The following ST6GAL1 variants were observed in gnomAD, a reference collection of about 807,000 sequenced individuals.
ST6GAL1 encodes the protein beta-galactoside alpha-2,6-sialyltransferase 1.
ST6GAL1 carries 20 observed loss-of-function variants against 38.0 expected under a neutral mutation model. The observed-to-expected ratio is 0.53, with a 90% CI of 0.37 to 0.77. The LOEUF is 0.77. ST6GAL1 is among the 30% of genes least tolerant of loss of function. The probability of loss-of-function intolerance (pLI) is 0.00; values close to 1 mark genes in which losing one functional copy is unlikely to be tolerated. For synonymous variants in ST6GAL1, 196 were observed against 188.2 expected (o/e 1.04, Z -0.34); for missense variants, 432 against 496.4 (o/e 0.87, Z 1.23).
chr3:186,960,435 T>C (rs981479100), intron 1 of ST6GAL1, among the ~76,000 whole-genome samples: 3 of 151,806 alleles, frequency 2.0e-5, no homozygotes, highest in African/African-American at 7.3e-5. Context: ...GAGAGGAAAG[T>C]AGAGAGACCA....
At chr3:187,060,973 G>A (rs1273968912) in intron 5 of ST6GAL1, among the ~76,000 whole-genome samples, 1 of 152,044 alleles carries the variant, frequency 6.6e-6, no homozygotes, top group Non-Finnish European at 1.5e-5. Context: ...AGAAGGATGG[G>A]TACAGTACAA....
chr3:187,027,462 A>G (rs975955822), intron 2 of ST6GAL1, among the ~76,000 whole-genome samples: 1 of 152,190 alleles, frequency 6.6e-6, no homozygotes, highest in African/African-American at 2.4e-5. Context: ...AGGAACCCGC[A>G]TTTTAACAAG....
intron 5 of ST6GAL1, among the ~76,000 whole-genome samples, chr3:187,054,383 T>G (rs1232033945): frequency 1.3e-5 from 2 of 152,206 alleles, no homozygotes; most frequent in African/African-American, 2.4e-5. Context: ...GTGCTAGTTT[T>G]CAAAGGGAAT....
intron 2 of ST6GAL1, among the ~76,000 whole-genome samples, chr3:187,026,917 C>T (rs1470262650): frequency 6.6e-6 from 1 of 151,922 alleles, no homozygotes; most frequent in Admixed American, 6.6e-5. Context: ...GGCATGGTGG[C>T]GGGCACCTGT....
chr3:187,066,215 A>G (rs1206527027), intron 5 of ST6GAL1, among the ~76,000 whole-genome samples: 1 of 152,186 alleles, frequency 6.6e-6, no homozygotes, highest in Non-Finnish European at 1.5e-5. Flanking sequence ...CATGATGGCA[A>G]TCATGAGTTC....
intron 2 of ST6GAL1, among the ~76,000 whole-genome samples, chr3:187,021,496 T>C (rs1008221183): frequency 1.3e-5 from 2 of 151,478 alleles, no homozygotes; most frequent in East Asian, 2.0e-4. Flanking sequence ...TCCCAGCACT[T>C]TGGGAGGCCG....
chr3:186,936,030 G>A (rs1007514719), intron 1 of ST6GAL1, among the ~76,000 whole-genome samples: 4 of 152,192 alleles, frequency 2.6e-5, no homozygotes, highest in African/African-American at 9.7e-5. Context: ...ATTACAAAGA[G>A]CATGGAGACC....
chr3:186,975,710 G>T (rs1715499736), intron 2 of ST6GAL1, among the ~76,000 whole-genome samples: 1 of 152,186 alleles, frequency 6.6e-6, no homozygotes, highest in East Asian at 1.9e-4. Context: ...ACAGAACACT[G>T]TACCCATGAA....
intron 2 of ST6GAL1, chr3:187,024,552 G>T (rs887146987): frequency 6.7e-6 from 1 of 149,316 alleles, no homozygotes; most frequent in Non-Finnish European, 1.5e-5. Flanking sequence ...AACAAAAAAA[G>T]CCTGGGAGAA....
At chr3:186,977,134 T>C (rs1283125761) in intron 2 of ST6GAL1, among the ~76,000 whole-genome samples, 4 of 152,220 alleles carry the variant, frequency 2.6e-5, no homozygotes, top group Non-Finnish European at 2.9e-5. Context: ...CAGCAAGGCA[T>C]GTGGACTTCT....
chr3:186,939,068 C>CTTTTT (rs59211382), intron 1 of ST6GAL1, among the ~76,000 whole-genome samples: 1 of 135,584 alleles, frequency 7.4e-6, no homozygotes, highest in African/African-American at 2.7e-5. Context: ...AACCTGGGAC[C>CTTTTT]TTTTTTTTTT....
intron 2 of ST6GAL1, among the ~76,000 whole-genome samples, chr3:187,026,716 T>C (rs528624660): frequency 2.1e-4 from 32 of 152,314 alleles, no homozygotes; most frequent in African/African-American, 5.8e-4. Context: ...AAATTTTTTT[T>C]CCCAATTCCT....
intron 2 of ST6GAL1, among the ~76,000 whole-genome samples, chr3:187,033,623 T>A (rs969420583): frequency 6.6e-6 from 1 of 152,208 alleles, no homozygotes; most frequent in African/African-American, 2.4e-5. Flanking sequence ...CCTATTACTA[T>A]ATAAATTCAT....
In ST6GAL1 at chr3:187,010,030, G is replaced by T. The variant is rs534051724; in HGVS notation, c.-182-28712G>T. Among the ~76,000 whole-genome samples, 30 of 152,128 alleles carry T rather than the reference G, an allele frequency of 2.0e-4. No homozygotes were observed. In the East Asian group the frequency reaches 5.4e-3, roughly 27 times the overall value. Reference sequence around the variant, plus strand: ...AAAAAAGAAAAAATTATAACCCTTTGTGTGGACATTTCATAACATATTTAA... The same window carrying T: ...AAAAAAGAAAAAATTATAACCCTTTTTGTGGACATTTCATAACATATTTAA... On this transcript the variant is annotated intron_variant, in intron 2 of 7. Transcript: ENST00000169298.
At chr3:186,962,771 A>G (rs1714975196) in intron 1 of ST6GAL1, among the ~76,000 whole-genome samples, 2 of 152,346 alleles carry the variant, frequency 1.3e-5, no homozygotes, top group South Asian at 4.1e-4. Flanking sequence ...AAGGCTGAAG[A>G]TGACTTAAGT....
chr3:187,075,107 A>G lies in ST6GAL1; in HGVS notation c.980-455A>G, dbSNP rs1010916875. ...CCCAACACTGTTTCATGCAAATGCTATAAGGAAAAATCTGCTCCCAAATAG... is the reference window on the plus strand; with the variant it reads ...CCCAACACTGTTTCATGCAAATGCTGTAAGGAAAAATCTGCTCCCAAATAG... On this transcript the variant is annotated intron_variant, in intron 7 of 7. Coordinates refer to ENST00000169298, the MANE Select transcript of ST6GAL1 (RefSeq NM_173216.2). The surrounding 1 kb of genome is among the most constrained non-coding windows in gnomAD (Gnocchi z 4.1). 8.5e-5 allele frequency among the ~76,000 whole-genome samples: 13 copies of G among 152,160 alleles called. No homozygotes were observed. Among genetic ancestry groups the G allele is most frequent in the Admixed American group, 6.5e-5 (1 of 15,276 alleles).
chr3:187,036,571 A>G (rs754607055), intron 2 of ST6GAL1, among the ~76,000 whole-genome samples: 4 of 152,238 alleles, frequency 2.6e-5, no homozygotes, highest in African/African-American at 4.8e-5. Flanking sequence ...CACAGCCATG[A>G]AAAAGAACAA....
At chr3:187,039,584 C>T (rs952487378) in intron 3 of ST6GAL1, among the ~76,000 whole-genome samples, 3 of 152,160 alleles carry the variant, frequency 2.0e-5, no homozygotes, top group Non-Finnish European at 4.4e-5. Flanking sequence ...AGAAAGAGTG[C>T]AGCAGTGCAG....
intron 1 of ST6GAL1, among the ~76,000 whole-genome samples, chr3:186,955,317 CTT>C (rs1226136013): frequency 1.3e-5 from 2 of 151,970 alleles, no homozygotes; most frequent in African/African-American, 2.4e-5. Context: ...TATATGGACT[CTT>C]TTTTGGTTCC....
Sources: allele counts gnomAD v4.1 joint callset (sites outside exome capture counted in the v4.1 genomes callset), GRCh38; gene constraint gnomAD v4.1.1; non-coding constraint Gnocchi (gnomAD v3.1); transcripts MANE v1.5; gene names NCBI Gene and HGNC (gene_info 2026-07-23, HGNC 2026-07-21).